WWOX: variants seen among roughly 807,000 people sequenced by gnomAD.
WWOX encodes the protein WW domain-containing oxidoreductase.
WWOX carries 69 observed loss-of-function variants against 46.2 expected under a neutral mutation model. The ratio of observed to expected loss-of-function variants is 1.49; its 90% confidence interval spans 1.23 to 1.82. The LOEUF (loss-of-function observed/expected upper bound fraction) is 1.82, where lower values mean the gene tolerates loss of function less well. Ranked by LOEUF, WWOX falls within the 40% of genes most tolerant of loss-of-function variation. The probability of loss-of-function intolerance (pLI) is 0.00; values close to 1 mark genes in which losing one functional copy is unlikely to be tolerated. For missense variants in WWOX, 919 were observed against 542.6 expected (o/e 1.69, Z -6.89); for synonymous variants, 359 against 202.6 (o/e 1.77, Z -6.56).
chr16:78,236,063 T>G (rs2037427351), intron 5 of WWOX, among the ~76,000 whole-genome samples: 1 of 152,180 alleles, frequency 6.6e-6, no homozygotes, highest in Admixed American at 6.6e-5. Context: ...CAATAAAACT[T>G]TATTTATAGG....
chr16:79,082,412 G>T (rs980193828), intron 8 of WWOX, among the ~76,000 whole-genome samples: 10 of 152,182 alleles, frequency 6.6e-5, no homozygotes, highest in African/African-American at 2.2e-4. Flanking sequence ...ATCAGGGGAG[G>T]GTCATGAGGT....
chr16:78,300,329 G>C (rs1333022387), intron 5 of WWOX, among the ~76,000 whole-genome samples: 1 of 152,154 alleles, frequency 6.6e-6, no homozygotes, highest in East Asian at 1.9e-4. Flanking sequence ...ACCCAGAAGA[G>C]TGACCCTCGG....
intron 5 of WWOX, among the ~76,000 whole-genome samples, chr16:78,258,987 C>T (rs2038207162): frequency 6.6e-6 from 1 of 152,208 alleles, no homozygotes; most frequent in African/African-American, 2.4e-5. Flanking sequence ...CAGAGAACTT[C>T]TCATTCCTTA....
intron 8 of WWOX, among the ~76,000 whole-genome samples, chr16:78,727,159 G>A (rs2048854974): frequency 6.6e-6 from 1 of 152,208 alleles, no homozygotes; most frequent in South Asian, 2.1e-4. Flanking sequence ...AGCACTTTGG[G>A]AGGCCAAGGT....
At chr16:78,881,411 T>C (rs964202427) in intron 8 of WWOX, among the ~76,000 whole-genome samples, 4 of 152,248 alleles carry the variant, frequency 2.6e-5, no homozygotes, top group Admixed American at 2.6e-4. Context: ...AGGAAACTAA[T>C]ATACAGGTTT....
chr16:78,424,124 T>TC lies in WWOX; in HGVS notation c.606-746_606-745insC, dbSNP rs2083020603. Among the ~76,000 whole-genome samples the TC allele has an allele frequency of 3.2e-5, 4 of 123,810 alleles. No homozygotes were observed. In the South Asian group the frequency reaches 1.3e-3, roughly 39 times the overall value. The allele number at this position is 123,810 out of a possible 152,430, so 81.2% of individuals were successfully genotyped here. A position where few individuals can be genotyped will look rare whatever the true frequency, so the allele number is the denominator to read the frequency against. On this transcript the variant is annotated intron_variant, in intron 6 of 8. Coordinates refer to ENST00000566780, the MANE Select transcript of WWOX (RefSeq NM_016373.4). ...TTTCTTTTCTTTTTTTTTTTTGTTT[T>TC]TTTTTTTTTTGGAGATAGAGTCTTG...
intron 4 of WWOX, among the ~76,000 whole-genome samples, chr16:78,126,179 T>C (rs1229434656): frequency 6.6e-6 from 1 of 152,216 alleles, no homozygotes; most frequent in African/African-American, 2.4e-5. Flanking sequence ...GGTTTCCAGC[T>C]TTTTAATAGC....
intron 5 of WWOX, among the ~76,000 whole-genome samples, chr16:78,192,792 T>G (rs943839749): frequency 3.3e-5 from 5 of 152,208 alleles, no homozygotes; most frequent in Non-Finnish European, 7.3e-5. Context: ...ACAGGTCTAG[T>G]GCTGTTATAG....
intron 8 of WWOX, among the ~76,000 whole-genome samples, chr16:79,107,283 G>C (rs561093061): frequency 1.6e-4 from 24 of 145,728 alleles, no homozygotes; most frequent in African/African-American, 6.2e-4. Flanking sequence ...CATCCTTGCT[G>C]TTCTGTTTTG....
At chr16:78,796,886 T>C (rs1320259461) in intron 8 of WWOX, among the ~76,000 whole-genome samples, 5 of 150,814 alleles carry the variant, frequency 3.3e-5, no homozygotes, top group African/African-American at 1.2e-4. Context: ...AGTGCAGTGG[T>C]GCGATCTCGG....
Position 78,937,447 on chromosome 16 carries a change from ACTT to A in WWOX, c.1057-274160_1057-274158del, listed in dbSNP as rs1460689335. On this transcript the variant is annotated intron_variant, in intron 8 of 8. Coordinates refer to ENST00000566780, the MANE Select transcript of WWOX (RefSeq NM_016373.4). ...TTTAGAGAACTTTGTATTTGTATTA[ACTT>A]TTTTTTTTTTTTTTTTTTTTTTTTA... 4.0e-4 allele frequency among the ~76,000 whole-genome samples: 29 copies of A among 72,876 alleles called. 1 individual carries two copies. The highest frequency in any genetic ancestry group is 1.7e-3 in the African/African-American group (25 of 14,908). 47.8% of individuals were successfully genotyped at this position (72,876 alleles called of 152,430 possible).
intron 5 of WWOX, among the ~76,000 whole-genome samples, chr16:78,318,827 A>G (rs2080407598): frequency 6.6e-6 from 1 of 152,202 alleles, no homozygotes; most frequent in Non-Finnish European, 1.5e-5. Flanking sequence ...ATGACTCCTT[A>G]TATAACTACA....
Position 78,975,899 on chromosome 16 carries a change from C to T in WWOX, c.1057-235709C>T, listed in dbSNP as rs72808765. On this transcript the variant is annotated intron_variant, in intron 8 of 8. Coordinates refer to ENST00000566780, the MANE Select transcript of WWOX (RefSeq NM_016373.4). ...AACCTCTTCCAGCTTTCTCAGCAGCCACATGTCACCCCCTCTTCCACCCTT... is the reference window on the plus strand; with the variant it reads ...AACCTCTTCCAGCTTTCTCAGCAGCTACATGTCACCCCCTCTTCCACCCTT... Among the ~76,000 whole-genome samples the T allele has an allele frequency of 3.8e-3, 574 of 152,292 alleles. 2 individuals are homozygous for T. Among genetic ancestry groups the T allele is most frequent in the Non-Finnish European group, 4.5e-3 (303 of 68,024 alleles).
At position 78,701,745 on chromosome 16, in the gene WWOX, G is replaced by A. The variant is rs146658547; in HGVS notation, c.1056+268993G>A. Among the ~76,000 whole-genome samples the A allele has an allele frequency of 1.4e-3, 209 of 151,994 alleles. 1 individual carries two copies. The highest frequency in any genetic ancestry group is 4.8e-3 in the African/African-American group (201 of 41,476). The stretch of plus-strand genomic sequence containing the variant: ...GGGAAGCTGCAGTAGGGGTTCTTTG[G>A]GACCCAGTTAAGCAGTGGGCCCTTG... On this transcript the variant is annotated intron_variant, in intron 8 of 8. Coordinates refer to ENST00000566780, the MANE Select transcript of WWOX (RefSeq NM_016373.4).
At chr16:78,700,907 C>G (rs2048201881) in intron 8 of WWOX, among the ~76,000 whole-genome samples, 1 of 152,138 alleles carries the variant, frequency 6.6e-6, no homozygotes, top group Non-Finnish European at 1.5e-5. Context: ...TGGTGAAAAT[C>G]ATCTCAAAAG....
At chr16:79,166,810 C>G (rs978832723) in intron 8 of WWOX, among the ~76,000 whole-genome samples, 2 of 152,092 alleles carry the variant, frequency 1.3e-5, no homozygotes, top group African/African-American at 4.8e-5. Flanking sequence ...ATAGTAGGCC[C>G]TGAATAAAGA....
intron 8 of WWOX, among the ~76,000 whole-genome samples, chr16:79,119,701 C>T (rs2049589070): frequency 6.6e-6 from 1 of 152,208 alleles, no homozygotes; most frequent in African/African-American, 2.4e-5. Context: ...CTTTTCACCT[C>T]CCTCTGTACC....
chr16:78,425,115 C>A, intron 7 of WWOX, 60 bp downstream of exon 7: 1 of 1,598,866 alleles, frequency 6.3e-7, no homozygotes, highest in Non-Finnish European at 8.6e-7. Context: ...TAATATTCCC[C>A]CAAGGCTCTC....
intron 8 of WWOX, among the ~76,000 whole-genome samples, chr16:79,181,956 C>T (rs1237543372): frequency 6.6e-6 from 1 of 152,160 alleles, no homozygotes; most frequent in Non-Finnish European, 1.5e-5. Context: ...AAGCTTTATC[C>T]AGCCTCACCA....
Sources: gnomAD v4.1 joint callset for allele counts (sites outside exome capture counted in the v4.1 genomes callset) on GRCh38, gnomAD v4.1.1 for gene constraint, MANE v1.5 for transcripts, NCBI Gene and HGNC (gene_info 2026-07-23, HGNC 2026-07-21) for gene names.